Variants in POLR1D observed in about 807,000 individuals in gnomAD.
The protein encoded by POLR1D is DNA-directed RNA polymerases I and III subunit RPAC2.
Under a neutral mutation model 10.8 loss-of-function variants are expected in POLR1D, and 8 were observed. That is an observed-to-expected ratio of 0.74 (90% CI 0.43 to 1.33). The LOEUF is 1.33. Ranked by LOEUF, POLR1D falls within the 40% of genes most tolerant of loss-of-function variation. The probability of loss-of-function intolerance (pLI) is 0.01; values close to 1 mark genes in which losing one functional copy is unlikely to be tolerated. For missense variants in POLR1D, 152 were observed against 161.7 expected, an observed-to-expected ratio of 0.94 and a Z score of 0.32; for synonymous variants, 54 against 57.2, an observed-to-expected ratio of 0.94 and a Z score of 0.25.
upstream of POLR1D, chr13:27,621,044 G>A (rs1411224768): frequency 1.3e-5 from 2 of 153,246 alleles, no homozygotes; most frequent in African/African-American, 4.8e-5. Context: ...CGCACCTGAG[G>A]GAGCACAGCG....
chr13:27,625,182 G>T (rs536507543), downstream of POLR1D, among the ~76,000 whole-genome samples: 3 of 152,296 alleles, frequency 2.0e-5, no homozygotes, highest in South Asian at 4.1e-4. Context: ...CTGTCCTCTG[G>T]AGTCCATGGG....
chr13:27,633,107 G>A (rs1212922452), intron 1 of POLR1D, among the ~76,000 whole-genome samples: 1 of 152,174 alleles, frequency 6.6e-6, no homozygotes, highest in Non-Finnish European at 1.5e-5. Context: ...GGCAAAGGGT[G>A]ACCAGAGCAG....
intron 2 of POLR1D, chr13:27,664,523 C>G (rs1375324708): frequency 2.6e-5 from 4 of 152,248 alleles, no homozygotes; most frequent in Admixed American, 6.5e-5. Context: ...GATATTTTCT[C>G]TGTCCTTGTA....
chr13:27,652,548 G>A (rs764754206), intron 2 of POLR1D, among the ~76,000 whole-genome samples: 72 of 152,202 alleles, frequency 4.7e-4, no homozygotes, highest in Non-Finnish European at 6.3e-4. Flanking sequence ...TCAGTTAGCA[G>A]AAAGGAAGGC....
chr13:27,655,776 T>C (rs1327313904), intron 2 of POLR1D, among the ~76,000 whole-genome samples: 4 of 148,804 alleles, frequency 2.7e-5, no homozygotes, highest in Admixed American at 6.6e-5. Context: ...AGTATGAGAT[T>C]CGTGTAAGAC....
downstream of POLR1D, among the ~76,000 whole-genome samples, chr13:27,627,329 A>T (rs1332331335): frequency 6.7e-6 from 1 of 149,864 alleles, no homozygotes; most frequent in Non-Finnish European, 1.5e-5. Context: ...TTGGATTATT[A>T]GATCTCTAAT....
At chr13:27,666,026 A>G (rs1352546403) in exon 3 of POLR1D, 12 of 1,391,508 alleles carry the variant, frequency 8.6e-6, no homozygotes, top group Non-Finnish European at 1.1e-5. Flanking sequence ...AGAAGGCCTG[A>G]GCTGGCAGGG....
intron 2 of POLR1D, among the ~76,000 whole-genome samples, chr13:27,661,727 TGATGAATGA>T (rs1303689478): frequency 6.6e-6 from 1 of 152,104 alleles, no homozygotes; most frequent in Non-Finnish European, 1.5e-5. Context: ...TTTCCTAATG[TGATGAATGA>T]GAAGAGTGAA....
At chr13:27,664,222 C>T (rs893718902) in intron 2 of POLR1D, among the ~76,000 whole-genome samples, 6 of 152,188 alleles carry the variant, frequency 3.9e-5, no homozygotes, top group African/African-American at 1.2e-4. Flanking sequence ...TACCTTGAGA[C>T]TACTAAGGCA....
chr13:27,630,907 G>A (rs773189183), intron 1 of POLR1D, among the ~76,000 whole-genome samples: 19 of 152,120 alleles, frequency 1.2e-4, no homozygotes, highest in Non-Finnish European at 2.5e-4. Flanking sequence ...AGCATCACCT[G>A]TGACTCTGCC....
intron 2 of POLR1D, among the ~76,000 whole-genome samples, chr13:27,662,934 A>G (rs1739418071): frequency 6.6e-6 from 1 of 152,168 alleles, no homozygotes; most frequent in Non-Finnish European, 1.5e-5. Context: ...AACATGCCCA[A>G]AGTCCAGTCT....
chr13:27,628,762 AGTT>A (rs1956043321), intron 1 of POLR1D, among the ~76,000 whole-genome samples: 1 of 152,096 alleles, frequency 6.6e-6, no homozygotes, highest in Non-Finnish European at 1.5e-5. Context: ...AGGATATTGG[AGTT>A]GTTTTCGATT....
intron 2 of POLR1D, among the ~76,000 whole-genome samples, chr13:27,655,459 G>A (rs1313463798): frequency 1.3e-5 from 2 of 152,092 alleles, no homozygotes; most frequent in African/African-American, 4.8e-5. Flanking sequence ...GTTGCCTTTT[G>A]TTTGGGATGC....
chr13:27,658,983 AAAT>A (rs1350677902), intron 2 of POLR1D, among the ~76,000 whole-genome samples: 1 of 152,234 alleles, frequency 6.6e-6, no homozygotes, highest in Non-Finnish European at 1.5e-5. Context: ...AATTGAGAGA[AAAT>A]GATTCTTGAG....
chr13:27,632,536 A>G (rs909983035), intron 1 of POLR1D, among the ~76,000 whole-genome samples: 6 of 152,106 alleles, frequency 3.9e-5, no homozygotes, highest in African/African-American at 9.7e-5. Flanking sequence ...TTTCATGCCT[A>G]CCTTCACAGA....
intron 2 of POLR1D, among the ~76,000 whole-genome samples, chr13:27,653,728 T>G (rs1438306667): frequency 1.3e-5 from 2 of 152,166 alleles, no homozygotes; most frequent in Non-Finnish European, 2.9e-5. Context: ...ATCAAATACA[T>G]TAAGATAAAT....
intron 2 of POLR1D, chr13:27,651,610 A>T (rs990661108): frequency 6.6e-6 from 1 of 152,194 alleles, no homozygotes; most frequent in Non-Finnish European, 1.5e-5. Flanking sequence ...TACCTAGTAA[A>T]TAATAGATAT....
intron 1 of POLR1D, among the ~76,000 whole-genome samples, chr13:27,633,687 C>A (rs1320549234): frequency 6.6e-6 from 1 of 152,186 alleles, no homozygotes; most frequent in African/African-American, 2.4e-5. Context: ...CATTTGTCTA[C>A]AACTGTTAAT....
chr13:27,641,081 A>G (rs965604117), intron 1 of POLR1D, among the ~76,000 whole-genome samples: 1 of 152,146 alleles, frequency 6.6e-6, no homozygotes, highest in Non-Finnish European at 1.5e-5. Flanking sequence ...AAAATTTTCA[A>G]TCCATGTTTG....
Sources: gnomAD v4.1 joint callset for allele counts (sites outside exome capture counted in the v4.1 genomes callset) on GRCh38, gnomAD v4.1.1 for gene constraint, MANE v1.5 for transcripts, NCBI Gene and HGNC (gene_info 2026-07-23, HGNC 2026-07-21) for gene names.